PALS2: variants seen among roughly 807,000 people sequenced by gnomAD.
PALS2 encodes protein associated with LIN7 2, MAGUK p55 family member.
Under a neutral mutation model 61.6 loss-of-function variants are expected in PALS2, and 27 were observed. The ratio of observed to expected loss-of-function variants is 0.44; its 90% confidence interval spans 0.32 to 0.60. The LOEUF is 0.60. PALS2 is among the 20% of genes least tolerant of loss of function. The pLI, the probability that PALS2 is intolerant of heterozygous loss-of-function variation, is 0.05. For synonymous variants in PALS2, 236 were observed against 218.6 expected (o/e 1.08, Z -0.70); for missense variants, 554 against 639.4 (o/e 0.87, Z 1.44).
chr7:24,593,074 G>T (rs926785281), intron 1 of PALS2, among the ~76,000 whole-genome samples: 12 of 152,068 alleles, frequency 7.9e-5, no homozygotes, highest in Admixed American at 2.6e-4. Flanking sequence ...TTCAAACCCT[G>T]CTACTTTACC....
At chr7:24,686,252 A>G (rs564944761) in intron 11 of PALS2, among the ~76,000 whole-genome samples, 1 of 152,278 alleles carries the variant, frequency 6.6e-6, no homozygotes, top group African/African-American at 2.4e-5. Flanking sequence ...TGTCACCATC[A>G]TAACCTAGGC....
chr7:24,679,554 G>A (rs1187935887), intron 10 of PALS2, among the ~76,000 whole-genome samples: 1 of 152,112 alleles, frequency 6.6e-6, no homozygotes, highest in East Asian at 1.9e-4. Flanking sequence ...AATAGAAACT[G>A]TGTGATTAGA....
At position 24,650,631 on chromosome 7, in the gene PALS2, A is replaced by G; in HGVS notation, c.570A>G (p.Leu190=). The G allele has an allele frequency of 6.2e-7, 1 of 1,612,524 alleles. No homozygotes were observed. Among genetic ancestry groups the G allele is most frequent in the Non-Finnish European group, 8.5e-7 (1 of 1,178,710 alleles). Residue 190 remains leucine (L), a synonymous_variant, in exon 5 of 12, where the codon TTA becomes TTG. Coordinates refer to ENST00000222644, the MANE Select transcript of PALS2 (RefSeq NM_001303037.2). Reference sequence around the variant, plus strand: ...AGGTTGGAAATAATCCAAAGGAATTACAAGAATTACTGAAAAATATTAGTG... The same window carrying G: ...AGGTTGGAAATAATCCAAAGGAATTGCAAGAATTACTGAAAAATATTAGTG... ...GHEVGNNPKE[L]QELLKNISGS...
At chr7:24,623,887 GT>G (rs1230467078) in intron 2 of PALS2, 103 bp downstream of exon 2, 6 of 1,014,004 alleles carry the variant, frequency 5.9e-6, no homozygotes, top group Non-Finnish European at 8.7e-6. Context: ...TATACATTAG[GT>G]TTAGTTAGCA....
At chr7:24,684,773 C>T (rs555875846) in intron 11 of PALS2, among the ~76,000 whole-genome samples, 2 of 152,082 alleles carry the variant, frequency 1.3e-5, no homozygotes, top group South Asian at 2.1e-4. Flanking sequence ...TTCCTCTTAT[C>T]CTGAAAACCT....
At chr7:24,585,833 G>A (rs747809114) in intron 1 of PALS2, among the ~76,000 whole-genome samples, 1 of 152,150 alleles carries the variant, frequency 6.6e-6, no homozygotes, top group Non-Finnish European at 1.5e-5. Flanking sequence ...CAAGTAGCTG[G>A]GACTCCAGGC....
intron 2 of PALS2, among the ~76,000 whole-genome samples, chr7:24,627,130 A>G (rs1301694097): frequency 6.6e-6 from 1 of 152,308 alleles, no homozygotes; most frequent in East Asian, 1.9e-4. Flanking sequence ...GTCAGTCCTC[A>G]GCAAATGCAA....
intron 2 of PALS2, among the ~76,000 whole-genome samples, chr7:24,637,188 T>C (rs888044173): frequency 1.3e-5 from 2 of 152,112 alleles, no homozygotes; most frequent in Non-Finnish European, 2.9e-5. Context: ...AGTACCTTGA[T>C]ATGTAACTTA....
intron 1 of PALS2, among the ~76,000 whole-genome samples, chr7:24,603,617 G>C (rs1410906897): frequency 2.6e-5 from 4 of 152,142 alleles, no homozygotes; most frequent in Non-Finnish European, 4.4e-5. Context: ...AAAAGCTTGA[G>C]GTTTTTGAAC....
At position 24,573,631 on chromosome 7, in the gene PALS2, T is replaced by TCGCGCCG; in HGVS notation, c.-3+46_-3+52dup. 3.2e-6 allele frequency: 1 copy of TCGCGCCG among 314,298 alleles called. No homozygotes were observed. The highest frequency in any genetic ancestry group is 5.1e-5 in the Admixed American group (1 of 19,760). The allele number at this position is 314,298 out of a possible 1,614,324, so 19.5% of individuals were successfully genotyped here. The stretch of plus-strand genomic sequence containing the variant: ...GACCCCCACGCCGCTCGGGTAACGG[T>TCGCGCCG]CGCGCCGCGCGCCGGGCCGGCCGGG... On this transcript the variant is annotated intron_variant, in intron 1 of 11. Coordinates refer to ENST00000222644, the MANE Select transcript of PALS2 (RefSeq NM_001303037.2). This position sits in a 1 kb window ranked among gnomAD's most constrained non-coding sequence, Gnocchi z 5.3.
chr7:24,656,909 A>G (rs1246992457), intron 5 of PALS2, among the ~76,000 whole-genome samples: 5 of 152,000 alleles, frequency 3.3e-5, no homozygotes, highest in Non-Finnish European at 5.9e-5. Context: ...CCAGGCAGCT[A>G]CTGCTCTGCT....
intron 5 of PALS2, among the ~76,000 whole-genome samples, chr7:24,653,498 G>C (rs1415355719): frequency 2.6e-5 from 4 of 152,062 alleles, no homozygotes; most frequent in Middle Eastern, 6.8e-3. Flanking sequence ...GAGACCTCTA[G>C]TGCCAACCCC....
At chr7:24,579,914 A>C (rs1472224964) in intron 1 of PALS2, among the ~76,000 whole-genome samples, 2 of 152,150 alleles carry the variant, frequency 1.3e-5, no homozygotes, top group Non-Finnish European at 2.9e-5. Context: ...ATATTATTAG[A>C]TATTAGTTGG....
At chr7:24,662,800 A>AAAAAAAAAG (rs1554311606) in intron 5 of PALS2, among the ~76,000 whole-genome samples, 2 of 130,736 alleles carry the variant, frequency 1.5e-5, no homozygotes, top group Non-Finnish European at 3.3e-5. Context: ...AAAAAAAGAA[A>AAAAAAAAAG]GAAAGAAAGA....
chr7:24,640,099 G>C (rs1250347405), intron 2 of PALS2, among the ~76,000 whole-genome samples: 6 of 151,970 alleles, frequency 3.9e-5, no homozygotes, highest in African/African-American at 1.4e-4. Context: ...TTACAGACAT[G>C]AGCCACTGTA....
chr7:24,591,447 G>T (rs1157373012), intron 1 of PALS2, among the ~76,000 whole-genome samples: 4 of 152,044 alleles, frequency 2.6e-5, no homozygotes, highest in African/African-American at 9.7e-5. Flanking sequence ...TTACAATGAT[G>T]AGAAGCCAGA....
At chr7:24,581,646 A>G (rs775054229) in intron 1 of PALS2, among the ~76,000 whole-genome samples, 4 of 152,182 alleles carry the variant, frequency 2.6e-5, no homozygotes, top group Admixed American at 6.5e-5. Flanking sequence ...ACTACTATGT[A>G]TAAGGTATAG....
chr7:24,661,195 G>A (rs957920336), intron 5 of PALS2, among the ~76,000 whole-genome samples: 7 of 151,936 alleles, frequency 4.6e-5, no homozygotes, highest in Admixed American at 6.6e-5. Context: ...ATCTTTAATG[G>A]TTTTAGAGTC....
chr7:24,673,222 G>A (rs1159112374), intron 9 of PALS2, among the ~76,000 whole-genome samples: 1 of 152,006 alleles, frequency 6.6e-6, no homozygotes, highest in Non-Finnish European at 1.5e-5. Context: ...TTTATATATT[G>A]AACCAACCTT....
Sources: gnomAD v4.1 joint callset for allele counts (sites outside exome capture counted in the v4.1 genomes callset) on GRCh38, gnomAD v4.1.1 for gene constraint, Gnocchi (gnomAD v3.1) non-coding constraint, MANE v1.5 for transcripts, NCBI Gene and HGNC (gene_info 2026-07-23, HGNC 2026-07-21) for gene names.